RPP40: variants seen among roughly 807,000 people sequenced by gnomAD.
The protein encoded by RPP40 is ribonuclease P/MRP subunit p40, also known as ribonuclease P protein subunit p40.
In RPP40, 30 loss-of-function variants were observed where a neutral mutation model predicts 42.5. That is an observed-to-expected ratio of 0.71 (90% CI 0.53 to 0.96). RPP40 has a LOEUF of 0.96. RPP40 is among the 40% of genes least tolerant of loss of function. RPP40 has a pLI of 0.00. For synonymous variants in RPP40, 173 were observed against 164.0 expected (o/e 1.05, Z -0.42); for missense variants, 426 against 433.5 (o/e 0.98, Z 0.15).
intron 3 of RPP40, among the ~76,000 whole-genome samples, chr6:5,000,107 T>G (rs1347484814): frequency 6.6e-6 from 1 of 152,250 alleles, no homozygotes; most frequent in Non-Finnish European, 1.5e-5. Flanking sequence ...CCAAGGATAT[T>G]ATTTATAATA....
chr6:5,003,766 G>A lies in RPP40; in HGVS notation c.123+114C>T, dbSNP rs1303824453. The A allele has an allele frequency of 2.1e-4, 283 of 1,354,664 alleles. 1 individual carries two copies. Among genetic ancestry groups the A allele is most frequent in the Non-Finnish European group, 3.9e-6 (4 of 1,012,686 alleles). The allele number at this position is 1,354,664 out of a possible 1,614,324, so 83.9% of individuals were successfully genotyped here. On this transcript the variant is annotated intron_variant, in intron 1 of 7. Coordinates refer to ENST00000380051, the MANE Select transcript of RPP40 (RefSeq NM_006638.4). The stretch of plus-strand genomic sequence containing the variant: ...TCCCAGCAAGCCGGGCGAGGGCCCC[G>A]CCCCTCCGCGTACCGCCGGCGGCCC...
chr6:5,000,583 G>T lies in RPP40; in HGVS notation c.317C>A (p.Thr106Asn). The T allele has an allele frequency of 6.3e-7, 1 of 1,578,050 alleles. No individual in the cohort carries two copies. Among genetic ancestry groups the T allele is most frequent in the Non-Finnish European group, 8.7e-7 (1 of 1,148,882 alleles). The change falls in exon 3 of 8, where the codon ACT becomes AAT. Residue 106 changes from threonine to asparagine, a missense_variant. Physicochemically the swap from Thr to Asn is moderately conservative, Grantham distance 65 (BLOSUM62 0). Transcript: ENST00000380051. ...GTTACCATTTGGTAGCAGGGCAACA[G>T]TATTATCTTCATCAATATGTGTATT... ...TYNTHIDEDN[T>N]VALLPNGKLI...
chr6:5,003,368 G>GAAAAAAAA (rs1491464485), intron 1 of RPP40, among the ~76,000 whole-genome samples: 4 of 123,458 alleles, frequency 3.2e-5, no homozygotes, highest in South Asian at 2.4e-4. Flanking sequence ...AAAAAAAAAA[G>GAAAAAAAA]GAAAATCAGT....
chr6:4,994,597 C>T (rs1340407150), downstream of RPP40: 2 of 156,058 alleles, frequency 1.3e-5, no homozygotes, highest in East Asian at 1.9e-4. Flanking sequence ...GTCTCAGGTC[C>T]ACTGCCACTA....
chr6:4,992,929 C>CTT (rs1309157845), downstream of RPP40, among the ~76,000 whole-genome samples: 1 of 152,214 alleles, frequency 6.6e-6, no homozygotes, highest in Non-Finnish European at 1.5e-5. Flanking sequence ...TTATCACACT[C>CTT]TATCTTCAAA....
Position 5,004,017 on chromosome 6 carries a change from C to CT in RPP40, c.-16dup, listed in dbSNP as rs1313120127. 6.3e-7 allele frequency: 1 copy of CT among 1,587,852 alleles called. No individual in the cohort carries two copies. Among genetic ancestry groups the CT allele is most frequent in the Non-Finnish European group, 8.6e-7 (1 of 1,165,882 alleles). On this transcript the variant is annotated 5_prime_UTR_variant, in exon 1 of 8. Transcript: ENST00000380051. ...AGCGTGGCCATGCTCTCCTGGGTTC[C>CT]TGGTCCTCCCGGCCTCCGCTGGCGG...
Position 5,003,928 on chromosome 6 carries a change from G to C in RPP40, c.75C>G (p.His25Gln), listed in dbSNP as rs758028939. Residue 25 changes from histidine (H) to glutamine (Q), a missense_variant, in exon 1 of 8, where the codon CAC becomes CAG. His to Gln is a conservative substitution (Grantham distance 24). Coordinates refer to ENST00000380051, the MANE Select transcript of RPP40 (RefSeq NM_006638.4). ...LVCEKSNFGN[H>Q]KSRHRHLVQT... The stretch of plus-strand genomic sequence containing the variant: ...GCACAAGATGCCGGTGGCGCGACTT[G>C]TGGTTGCCGAAGTTGGATTTCTCGC... 2.9e-5 allele frequency: 46 copies of C among 1,613,648 alleles called. No homozygotes were observed. Among genetic ancestry groups the C allele is most frequent in the Non-Finnish European group, 3.6e-5 (43 of 1,179,792 alleles).
In RPP40 at chr6:4,999,805, T is replaced by G; in HGVS notation, c.433+4A>C. On this transcript the variant is annotated splice_donor_region_variant and intron_variant, in intron 4 of 7. Transcript: ENST00000380051. ...GAAACAGATGGAACACACATGATACTTACTAAATTTCATAATTTTTCTGCC... is the reference window on the plus strand; with the variant it reads ...GAAACAGATGGAACACACATGATACGTACTAAATTTCATAATTTTTCTGCC... 2.0e-6 allele frequency: 3 copies of G among 1,503,336 alleles called. No homozygotes were observed. The highest frequency in any genetic ancestry group is 2.8e-6 in the Non-Finnish European group (3 of 1,080,076). The allele number at this position is 1,503,336 out of a possible 1,614,324, so 93.1% of individuals were successfully genotyped here.
At chr6:4,992,718 T>C (rs1447197844), downstream of RPP40, among the ~76,000 whole-genome samples, 1 of 152,246 alleles carries the variant, frequency 6.6e-6, no homozygotes, top group Non-Finnish European at 1.5e-5. Context: ...TTGATATGCT[T>C]AGGTTGAGTC....
At chr6:4,990,854 ACTT>A (rs1759251043), downstream of RPP40, among the ~76,000 whole-genome samples, 1 of 152,010 alleles carries the variant, frequency 6.6e-6, no homozygotes, top group Non-Finnish European at 1.5e-5. Flanking sequence ...CAGATCATCT[ACTT>A]CTTCTTGGGT....
intron 2 of RPP40, chr6:5,000,945 T>G (rs1759538240): frequency 2.4e-6 from 1 of 417,664 alleles, no homozygotes; most frequent in South Asian, 1.9e-5. Flanking sequence ...AGAACAAGCA[T>G]GCAGAAGACC....
intron 1 of RPP40, among the ~76,000 whole-genome samples, chr6:5,003,105 T>C (rs972131471): frequency 3.3e-5 from 5 of 151,572 alleles, no homozygotes; most frequent in East Asian, 3.9e-4. Flanking sequence ...TCCCAGCACT[T>C]TGGGAGGCCG....
intron 2 of RPP40, among the ~76,000 whole-genome samples, chr6:5,001,546 C>T (rs772551503): frequency 1.3e-5 from 2 of 152,190 alleles, no homozygotes; most frequent in Non-Finnish European, 2.9e-5. Flanking sequence ...TAAAGGCCCT[C>T]TGAAATAGTT....
At chr6:4,989,310 G>A in the RPP40 span, among the ~76,000 whole-genome samples, 1 of 152,048 alleles carries the variant, frequency 6.6e-6, no homozygotes, top group Non-Finnish European at 1.5e-5. Flanking sequence ...ACACTGTCTT[G>A]ATTACTGTTG....
At position 4,994,925 on chromosome 6, in the gene RPP40, G is replaced by A; in HGVS notation, c.*153C>T. On this transcript the variant is annotated 3_prime_UTR_variant, in exon 8 of 8. Coordinates refer to ENST00000380051, the MANE Select transcript of RPP40 (RefSeq NM_006638.4). ...GACAGCAGGCCTTGCTGCCATCACA[G>A]ATGGGTCTCAGGTGCAGGGCAGGAT... 1.5e-6 allele frequency: 1 copy of A among 651,192 alleles called. No homozygotes were observed. The highest frequency in any genetic ancestry group is 2.0e-5 in the South Asian group (1 of 50,336). The allele number at this position is 651,192 out of a possible 1,614,324, so 40.3% of individuals were successfully genotyped here.
downstream of RPP40, among the ~76,000 whole-genome samples, chr6:4,990,103 G>A (rs1032136048): frequency 6.6e-6 from 1 of 152,214 alleles, no homozygotes; most frequent in Non-Finnish European, 1.5e-5. Flanking sequence ...TTGAAGAAGT[G>A]TTGTTTATTC....
chr6:4,999,713 C>T (rs1424000354), intron 4 of RPP40, 96 bp downstream of exon 4: 6 of 727,220 alleles, frequency 8.3e-6, no homozygotes, highest in Non-Finnish European at 1.4e-5. Context: ...TAAAAGGCCA[C>T]ATTTTTTTGA....
In RPP40 at chr6:5,004,020, G is replaced by C. The variant is rs1484727849; in HGVS notation, c.-18C>G. 9 of 1,584,900 alleles carry C rather than the reference G, an allele frequency of 5.7e-6. No individual in the cohort carries two copies. In the East Asian group the frequency reaches 1.6e-4, roughly 28 times the overall value. On this transcript the variant is annotated 5_prime_UTR_variant, in exon 1 of 8. Coordinates refer to ENST00000380051, the MANE Select transcript of RPP40 (RefSeq NM_006638.4). ...GTGGCCATGCTCTCCTGGGTTCCTGGTCCTCCCGGCCTCCGCTGGCGGGGC... is the reference window on the plus strand; with the variant it reads ...GTGGCCATGCTCTCCTGGGTTCCTGCTCCTCCCGGCCTCCGCTGGCGGGGC...
At chr6:5,003,786 C>T (rs114447515) in intron 1 of RPP40, 94 bp downstream of exon 1, 46,968 of 1,428,906 alleles carry the variant, frequency 0.033, 943 homozygotes, top group South Asian at 0.06. Flanking sequence ...GTACCGCCGG[C>T]GGCCCCGCCC....
Sources: gnomAD v4.1 joint callset for allele counts (sites outside exome capture counted in the v4.1 genomes callset) on GRCh38, gnomAD v4.1.1 for gene constraint, MANE v1.5 for transcripts, NCBI Gene and HGNC (gene_info 2026-07-23, HGNC 2026-07-21) for gene names.